CDC16: variants seen among roughly 807,000 people sequenced by gnomAD.
CDC16 encodes the protein cell division cycle protein 16 homolog.
In CDC16, 34 loss-of-function variants were observed where a neutral mutation model predicts 87.0. That is an observed-to-expected ratio of 0.39 (90% confidence interval 0.30 to 0.52). CDC16 has a LOEUF of 0.52. CDC16 is among the 20% of genes least tolerant of loss of function. The pLI, the probability that CDC16 is intolerant of heterozygous loss-of-function variation, is 0.74. For synonymous variants in CDC16, 263 were observed against 260.6 expected (o/e 1.01, Z -0.09); for missense variants, 653 against 751.9 (o/e 0.87, Z 1.54).
chr13:114,248,870 G>T (rs2082005843), intron 11 of CDC16, among the ~76,000 whole-genome samples: 2 of 152,004 alleles, frequency 1.3e-5, no homozygotes, highest in Admixed American at 6.6e-5. Context: ...GTTATTTTGA[G>T]CTATGCTGCT....
In CDC16 at chr13:114,257,197, A is replaced by G. The variant is rs2082551041; in HGVS notation, c.1217A>G (p.His406Arg). The G allele has an allele frequency of 6.2e-7, 1 of 1,612,196 alleles. No individual in the cohort carries two copies. The highest frequency in any genetic ancestry group is 8.5e-7 in the Non-Finnish European group (1 of 1,178,732). Reference sequence around the variant, plus strand: ...GCACCGGAAGACCCTTTTGTTATGCATGAGGTCGGCGTGGTTGCATTTCAG... The same window carrying G: ...GCACCGGAAGACCCTTTTGTTATGCGTGAGGTCGGCGTGGTTGCATTTCAG... ...SIAPEDPFVM[H>R]EVGVVAFQNG... Residue 406 changes from histidine (H) to arginine (R), a missense_variant, in exon 13 of 18, where the codon CAT becomes CGT. His to Arg is a conservative substitution (Grantham distance 29). Coordinates refer to ENST00000356221, the MANE Select transcript of CDC16 (RefSeq NM_001078645.3).
chr13:114,263,178 A>G (rs1394403455), intron 16 of CDC16, among the ~76,000 whole-genome samples, 164 bp downstream of exon 16: 1 of 152,238 alleles, frequency 6.6e-6, no homozygotes, highest in Non-Finnish European at 1.5e-5. Context: ...GGTGTTGTAC[A>G]GTATTCATCA....
rs188063889 is a variant in CDC16 at position 114,237,843 on chromosome 13, G to C, written c.201+947G>C. On this transcript the variant is annotated intron_variant, in intron 3 of 17. Transcript: ENST00000356221. The stretch of plus-strand genomic sequence containing the variant: ...TCTCTTCTTATCTTCCCTGTCACAA[G>C]TTCATCTTGTGAACTATTACAGGAG... Among the ~76,000 whole-genome samples the C allele has an allele frequency of 8.6e-4, 131 of 152,230 alleles. 1 individual carries two copies. In the Middle Eastern group the frequency reaches 0.014, roughly 16 times the overall value.
At chr13:114,259,492 A>G in intron 14 of CDC16, 94 bp downstream of exon 14, 1 of 662,096 alleles carries the variant, frequency 1.5e-6, no homozygotes, top group Non-Finnish European at 2.4e-6. Context: ...TTGCCTTCGA[A>G]GATAGTAACC....
chr13:114,239,621 C>T (rs758761032), intron 5 of CDC16, 131 bp downstream of exon 5: 81 of 1,246,778 alleles, frequency 6.5e-5, no homozygotes, highest in Non-Finnish European at 7.4e-5. Flanking sequence ...TTTAATTTGC[C>T]CACCAAAACC....
intron 17 of CDC16, among the ~76,000 whole-genome samples, chr13:114,266,961 G>T (rs2083265597): frequency 6.6e-6 from 1 of 152,086 alleles, no homozygotes; most frequent in African/African-American, 2.4e-5. Context: ...CTCCCAAAGT[G>T]CTGGGATTAC....
chr13:114,255,677 C>T (rs2082454120), intron 12 of CDC16, among the ~76,000 whole-genome samples: 1 of 152,198 alleles, frequency 6.6e-6, no homozygotes, highest in Admixed American at 6.5e-5. Flanking sequence ...GAGTCTCACT[C>T]TCTTGCCCAG....
Position 114,244,895 on chromosome 13 carries a change from T to C in CDC16, c.773T>C (p.Met258Thr), listed in dbSNP as rs150822552. The C allele has an allele frequency of 2.2e-4, 362 of 1,608,990 alleles. No homozygotes were observed. Among genetic ancestry groups the C allele is most frequent in the Middle Eastern group, 6.6e-4 (4 of 6,056 alleles). Residue 258 changes from methionine to threonine, a missense_variant, in exon 9 of 18, where the codon ATG becomes ACG. Physicochemically the swap from Met to Thr is moderately conservative, Grantham distance 81. Transcript: ENST00000356221. ...KMCYKLTSVVMEKDPFHASCL... is the reference protein window; with the variant it reads ...KMCYKLTSVVTEKDPFHASCL... ...TGTGTCGCTTTAACTTTCAGAGTAA[T>C]GGAGAAAGATCCTTTCCATGCAAGT...
chr13:114,265,307 T>C (rs1285977964), intron 17 of CDC16, 67 bp downstream of exon 17: 4 of 1,000,156 alleles, frequency 4.0e-6, no homozygotes, highest in Non-Finnish European at 6.4e-6. Context: ...TCTCTGTTTA[T>C]GTTTCTCATA....
chr13:114,247,221 A>C lies in CDC16; in HGVS notation c.971+217A>C, dbSNP rs2081922039. 18 of 538,594 alleles carry C rather than the reference A, an allele frequency of 3.3e-5. No homozygotes were observed. In the South Asian group the frequency reaches 3.9e-4, roughly 12 times the overall value. The allele number at this position is 538,594 out of a possible 1,614,324, so 33.4% of individuals were successfully genotyped here. On this transcript the variant is annotated intron_variant, in intron 11 of 17. Coordinates refer to ENST00000356221, the MANE Select transcript of CDC16 (RefSeq NM_001078645.3). ...CTCGAGGGTTCTCACTCTGTTGCCC[A>C]GACTAGAGTGCAGTGGTGCAATAAT...
intron 10 of CDC16, 47 bp from the exon 11 acceptor site, chr13:114,246,884 A>G (rs776878704): frequency 2.6e-6 from 3 of 1,144,878 alleles, no homozygotes; most frequent in East Asian, 2.3e-5. Flanking sequence ...TTCCAATTAG[A>G]TATTCCAATT....
intron 17 of CDC16, among the ~76,000 whole-genome samples, chr13:114,269,446 G>C (rs2083461617): frequency 6.6e-6 from 1 of 152,112 alleles, no homozygotes; most frequent in South Asian, 2.1e-4. Context: ...GGTGATGATT[G>C]ACCATACTGA....
At chr13:114,271,235 A>G (rs1220828004) in intron 17 of CDC16, among the ~76,000 whole-genome samples, 3 of 151,670 alleles carry the variant, frequency 2.0e-5, no homozygotes, top group Non-Finnish European at 2.9e-5. Flanking sequence ...TTTACCATTC[A>G]TGTCATTTTT....
chr13:114,270,846 T>A (rs2083575574), intron 17 of CDC16, among the ~76,000 whole-genome samples: 1 of 151,358 alleles, frequency 6.6e-6, no homozygotes, highest in Non-Finnish European at 1.5e-5. Context: ...CATAGGAAGC[T>A]AAATAAAGGC....
chr13:114,251,228 G>A (rs2139000549), intron 12 of CDC16, among the ~76,000 whole-genome samples: 1 of 152,266 alleles, frequency 6.6e-6, no homozygotes, highest in African/African-American at 2.4e-5. Flanking sequence ...TGCCTGGAGA[G>A]GTAGTGGGAG....
At chr13:114,242,447 T>C (rs2081599481) in intron 6 of CDC16, 167 bp downstream of exon 6, 3 of 633,710 alleles carry the variant, frequency 4.7e-6, no homozygotes, top group Non-Finnish European at 8.1e-6. Context: ...AATGCAGTAT[T>C]GTACGGTGCC....
intron 1 of CDC16, among the ~76,000 whole-genome samples, chr13:114,235,347 C>A (rs893880619): frequency 1.3e-5 from 2 of 152,058 alleles, no homozygotes; most frequent in Admixed American, 1.3e-4. Flanking sequence ...TGGAGGCCCC[C>A]GAGCGCACGG....
intron 11 of CDC16, among the ~76,000 whole-genome samples, chr13:114,248,924 C>T (rs749626300): frequency 1.3e-5 from 2 of 151,776 alleles, no homozygotes; most frequent in Non-Finnish European, 2.9e-5. Context: ...ATCAGTGGTC[C>T]CCAACATTTT....
At chr13:114,245,035 T>C (rs748233353) in intron 9 of CDC16, 66 bp downstream of exon 9, 69 of 964,232 alleles carry the variant, frequency 7.2e-5, no homozygotes, top group Non-Finnish European at 1.1e-4. Flanking sequence ...TAACTTGAAA[T>C]TTTGTCTCTG....
Sources: allele counts gnomAD v4.1 joint callset (sites outside exome capture counted in the v4.1 genomes callset), GRCh38; gene constraint gnomAD v4.1.1; transcripts MANE v1.5; gene names NCBI Gene and HGNC (gene_info 2026-07-23, HGNC 2026-07-21).